Variants in STXBP5L observed in about 807,000 individuals in gnomAD.
The protein encoded by STXBP5L is syntaxin-binding protein 5-like.
In STXBP5L, 65 loss-of-function variants were observed where a neutral mutation model predicts 144.5. The ratio of observed to expected loss-of-function variants is 0.45; its 90% CI spans 0.37 to 0.55. The LOEUF is 0.55. Among genes scored for constraint, STXBP5L ranks in the 20% least tolerant of loss-of-function variants. STXBP5L has a pLI of 0.00. For missense variants in STXBP5L, 1,298 were observed against 1,405.5 expected (o/e 0.92, Z 1.22); for synonymous variants, 505 against 469.6 (o/e 1.08, Z -0.97).
intron 19 of STXBP5L, among the ~76,000 whole-genome samples, chr3:121,315,963 A>T (rs2043771778): frequency 6.6e-6 from 1 of 151,076 alleles, no homozygotes; most frequent in Admixed American, 6.6e-5. Flanking sequence ...AGATTGCACC[A>T]ATTCATTCCA....
intron 3 of STXBP5L, among the ~76,000 whole-genome samples, chr3:121,000,838 G>C (rs1044038350): frequency 6.6e-6 from 1 of 152,058 alleles, no homozygotes; most frequent in African/African-American, 2.4e-5. Context: ...GTATAAGTTG[G>C]GTTTAGTTGA....
intron 3 of STXBP5L, among the ~76,000 whole-genome samples, chr3:120,990,476 C>A (rs1212760863): frequency 2.6e-5 from 4 of 152,126 alleles, no homozygotes; most frequent in Admixed American, 2.0e-4. Flanking sequence ...TCATATGGAA[C>A]CAAAAAAGAG....
chr3:121,278,385 T>C (rs974356848), intron 18 of STXBP5L, among the ~76,000 whole-genome samples: 11 of 151,952 alleles, frequency 7.2e-5, no homozygotes, highest in African/African-American at 2.7e-4. Flanking sequence ...AGCTATAACT[T>C]CTCAGTATTC....
chr3:121,259,426 T>G (rs910361247), intron 18 of STXBP5L, among the ~76,000 whole-genome samples: 2 of 152,130 alleles, frequency 1.3e-5, no homozygotes, highest in Non-Finnish European at 2.9e-5. Context: ...CTGTGTTGTT[T>G]GTTTTTATAT....
At chr3:121,159,999 T>C (rs1351396506) in intron 9 of STXBP5L, among the ~76,000 whole-genome samples, 2 of 152,196 alleles carry the variant, frequency 1.3e-5, no homozygotes, top group Non-Finnish European at 2.9e-5. Flanking sequence ...TGGTTTAAAT[T>C]GTTGCTAATT....
intron 4 of STXBP5L, 102 bp from the exon 5 acceptor site, chr3:121,045,333 A>G (rs1366462815): frequency 1.5e-5 from 15 of 988,072 alleles, no homozygotes; most frequent in East Asian, 2.6e-5. Flanking sequence ...TAACAAAAGT[A>G]ACTCTTCAGG....
intron 3 of STXBP5L, among the ~76,000 whole-genome samples, chr3:120,993,483 G>T (rs778380830): frequency 6.6e-6 from 1 of 151,928 alleles, no homozygotes; most frequent in African/African-American, 2.4e-5. Flanking sequence ...TGAGTTTTGC[G>T]TATTCTGAGA....
intron 9 of STXBP5L, among the ~76,000 whole-genome samples, chr3:121,181,743 AAAC>A (rs973770087): frequency 2.0e-5 from 3 of 152,186 alleles, no homozygotes; most frequent in African/African-American, 4.8e-5. Flanking sequence ...ATCTCAAAGA[AAAC>A]AAAAAACAAA....
intron 9 of STXBP5L, among the ~76,000 whole-genome samples, chr3:121,170,844 G>A (rs2046684746): frequency 6.6e-6 from 1 of 152,130 alleles, no homozygotes; most frequent in Non-Finnish European, 1.5e-5. Context: ...CATTTTATGA[G>A]GCCAGCGTCA....
intron 5 of STXBP5L, among the ~76,000 whole-genome samples, chr3:121,074,646 G>A (rs4676841): frequency 0.14 from 21,061 of 151,930 alleles, 1,638 homozygotes; most frequent in South Asian, 0.27. Context: ...TCATTTTCCC[G>A]CTGGCAAAAT....
At chr3:121,194,672 A>C (rs1397787389) in intron 9 of STXBP5L, among the ~76,000 whole-genome samples, 4 of 152,144 alleles carry the variant, frequency 2.6e-5, no homozygotes, top group Non-Finnish European at 5.9e-5. Context: ...TGTTGGGTAG[A>C]ATTCAACAGT....
chr3:121,310,088 C>G (rs2043474084), intron 19 of STXBP5L, among the ~76,000 whole-genome samples: 1 of 152,080 alleles, frequency 6.6e-6, no homozygotes, highest in Non-Finnish European at 1.5e-5. Flanking sequence ...GTCTTTTTAA[C>G]AAATAATGGT....
intron 5 of STXBP5L, among the ~76,000 whole-genome samples, chr3:121,058,417 A>C (rs1234189397): frequency 1.3e-5 from 2 of 152,190 alleles, no homozygotes; most frequent in Non-Finnish European, 2.9e-5. Flanking sequence ...GCTACTGTGA[A>C]CAGTGCTGCA....
At chr3:121,030,931 G>T (rs1270989765) in intron 3 of STXBP5L, among the ~76,000 whole-genome samples, 1 of 152,076 alleles carries the variant, frequency 6.6e-6, no homozygotes, top group Non-Finnish European at 1.5e-5. Context: ...TGGGAGAGCT[G>T]GAAAAATGAG....
chr3:121,022,618 T>A (rs541318372), intron 3 of STXBP5L, among the ~76,000 whole-genome samples: 4 of 152,088 alleles, frequency 2.6e-5, no homozygotes, highest in Non-Finnish European at 4.4e-5. Context: ...CACAAATCAA[T>A]AAGTGTGATA....
intron 20 of STXBP5L, among the ~76,000 whole-genome samples, chr3:121,348,161 C>A (rs1029717285): frequency 3.3e-5 from 5 of 152,080 alleles, no homozygotes; most frequent in African/African-American, 1.2e-4. Context: ...GAGTTTTTAA[C>A]ATGGTGTGTT....
rs762387745 is a variant in STXBP5L at position 121,115,001 on chromosome 3, A to C, written c.547A>C (p.Asn183His). ...AGAAAGAGGAAATACACATATTGTA[A>C]ATATTGAATCTTTCATTCTTTCTGG... ...GTERGNTHIV[N>H]IESFILSGYV... is the part of the protein sequence containing the mutation. The change falls in exon 6 of 27, where the codon AAT becomes CAT. Residue 183 changes from asparagine (N) to histidine (H), a missense_variant. Physicochemically the swap from Asn to His is moderately conservative, Grantham distance 68 (BLOSUM62 1). Transcript: ENST00000471454. The C allele has an allele frequency of 6.2e-7, 1 of 1,601,960 alleles. No homozygotes were observed. Among genetic ancestry groups the C allele is most frequent in the African/African-American group, 1.3e-5 (1 of 74,356 alleles).
At chr3:121,331,171 C>A (rs2044309813) in intron 20 of STXBP5L, among the ~76,000 whole-genome samples, 1 of 152,166 alleles carries the variant, frequency 6.6e-6, no homozygotes, top group South Asian at 2.1e-4. Flanking sequence ...TCTTGAGTAC[C>A]AAACTTTCCA....
At chr3:120,946,272 T>C (rs2107669057) in intron 2 of STXBP5L, among the ~76,000 whole-genome samples, 1 of 151,858 alleles carries the variant, frequency 6.6e-6, no homozygotes, top group South Asian at 2.1e-4. Flanking sequence ...GATTCCATGA[T>C]TGTACGGTGT....
Sources: allele counts gnomAD v4.1 joint callset (sites outside exome capture counted in the v4.1 genomes callset), GRCh38; gene constraint gnomAD v4.1.1; transcripts MANE v1.5; gene names NCBI Gene and HGNC (gene_info 2026-07-23, HGNC 2026-07-21).